The following AMD1 variants were observed in gnomAD, a reference collection of about 807,000 sequenced individuals.
AMD1 encodes the protein adenosylmethionine decarboxylase 1.
In AMD1, 11 loss-of-function variants were observed where a neutral mutation model predicts 40.2. The ratio of observed to expected loss-of-function variants is 0.27; its 90% CI spans 0.17 to 0.45. AMD1 has a LOEUF of 0.45. AMD1 is among the 20% of genes least tolerant of loss of function. The probability of loss-of-function intolerance (pLI) is 1.00; values close to 1 mark genes in which losing one functional copy is unlikely to be tolerated. For synonymous variants in AMD1, 121 were observed against 130.8 expected, an observed-to-expected ratio of 0.93 and a Z score of 0.51; for missense variants, 257 against 410.2, an observed-to-expected ratio of 0.63 and a Z score of 3.23.
At chr6:110,828,021 A>C in the AMD1 span, among the ~76,000 whole-genome samples, 1 of 152,234 alleles carries the variant, frequency 6.6e-6, no homozygotes, top group Non-Finnish European at 1.5e-5. Context: ...ATAAGCTACA[A>C]AACAAAAACA....
chr6:110,818,602 G>C, the AMD1 span, among the ~76,000 whole-genome samples: 1 of 151,978 alleles, frequency 6.6e-6, no homozygotes, highest in African/African-American at 2.4e-5. Flanking sequence ...ATGCTGTGGC[G>C]CGATCTCACC....
intron 1 of AMD1, among the ~76,000 whole-genome samples, chr6:110,886,356 C>T (rs921863925): frequency 1.3e-5 from 2 of 152,084 alleles, no homozygotes; most frequent in African/African-American, 2.4e-5. Flanking sequence ...TGGTCTCAAA[C>T]TCCTGAGCTT....
At chr6:110,843,111 C>T in the AMD1 span, among the ~76,000 whole-genome samples, 301 of 151,330 alleles carry the variant, frequency 2.0e-3, no homozygotes, top group African/African-American at 6.4e-3. Context: ...CCAGCCTGGG[C>T]GACAAAGCGA....
At chr6:110,816,760 A>G in the AMD1 span, among the ~76,000 whole-genome samples, 2 of 151,668 alleles carry the variant, frequency 1.3e-5, no homozygotes, top group East Asian at 3.9e-4. Context: ...CCCAAACCCC[A>G]CTTTTGTTTT....
chr6:110,848,819 AC>A, the AMD1 span: 1 of 211,400 alleles, frequency 4.7e-6, no homozygotes, highest in African/African-American at 2.3e-5. Flanking sequence ...CTGGGCAAGA[AC>A]GTAACAAACA....
intron 1 of AMD1, chr6:110,875,521 G>T: frequency 3.7e-6 from 1 of 271,426 alleles, no homozygotes; most frequent in Non-Finnish European, 6.9e-6. Context: ...GCGGCCCGGG[G>T]TGGTTTTGCG....
At chr6:110,859,293 T>G in the AMD1 span, 1 of 332,430 alleles carries the variant, frequency 3.0e-6, no homozygotes, top group African/African-American at 2.1e-5. Flanking sequence ...AGGGAGGTCT[T>G]TCTTCCCCCT....
chr6:110,826,406 C>T, the AMD1 span, among the ~76,000 whole-genome samples: 2 of 151,888 alleles, frequency 1.3e-5, no homozygotes, highest in African/African-American at 4.8e-5. Context: ...TGTCAGTTTC[C>T]TCAGGCTGCT....
chr6:110,839,627 A>T, the AMD1 span, among the ~76,000 whole-genome samples: 1 of 152,196 alleles, frequency 6.6e-6, no homozygotes, highest in African/African-American at 2.4e-5. Context: ...TCTAAAAAAT[A>T]AATAAATAAA....
chr6:110,847,691 CT>C, the AMD1 span, among the ~76,000 whole-genome samples: 1 of 150,740 alleles, frequency 6.6e-6, no homozygotes. Flanking sequence ...AGCGAATTTC[CT>C]TTGTTTTTGT....
At chr6:110,865,289 G>C in the AMD1 span, among the ~76,000 whole-genome samples, 1 of 152,114 alleles carries the variant, frequency 6.6e-6, no homozygotes, top group East Asian at 1.9e-4. Context: ...GCAAAACTGA[G>C]CAATTTTATA....
chr6:110,818,453 G>A, the AMD1 span, among the ~76,000 whole-genome samples: 1 of 152,130 alleles, frequency 6.6e-6, no homozygotes, highest in East Asian at 1.9e-4. Flanking sequence ...GCTACTTGTG[G>A]CAATAGCAAG....
At chr6:110,838,562 T>C in the AMD1 span, among the ~76,000 whole-genome samples, 2 of 151,610 alleles carry the variant, frequency 1.3e-5, no homozygotes, top group Admixed American at 6.6e-5. Flanking sequence ...TTTATTATGT[T>C]AACAACTACT....
intron 8 of AMD1, 39 bp from the exon 9 acceptor site, chr6:110,893,437 G>A (rs1786145471): frequency 6.2e-7 from 1 of 1,608,532 alleles, no homozygotes; most frequent in Non-Finnish European, 8.5e-7. Flanking sequence ...TACTTCTCTG[G>A]ATTGCAAACA....
chr6:110,835,693 A>T, the AMD1 span, among the ~76,000 whole-genome samples: 1 of 151,980 alleles, frequency 6.6e-6, no homozygotes, highest in Admixed American at 6.6e-5. Flanking sequence ...TGGTGAAATT[A>T]TGTCTCTATT....
chr6:110,893,734 A>G lies in AMD1; in HGVS notation c.*118A>G. ...TAACCACCACTGTGTAGTTGCAGAAAGCCCTAGATGTAATGATAGTGTAAT... is the reference window on the plus strand; with the variant it reads ...TAACCACCACTGTGTAGTTGCAGAAGGCCCTAGATGTAATGATAGTGTAAT... On this transcript the variant is annotated 3_prime_UTR_variant, in exon 9 of 9. Transcript: ENST00000368885. The G allele has an allele frequency of 8.7e-7, 1 of 1,144,660 alleles. No homozygotes were observed. Among genetic ancestry groups the G allele is most frequent in the South Asian group, 1.5e-5 (1 of 66,714 alleles). The allele number at this position is 1,144,660 out of a possible 1,614,324, so 70.9% of individuals were successfully genotyped here. A position where few individuals can be genotyped will look rare whatever the true frequency, so the allele number is the denominator to read the frequency against.
the AMD1 span, among the ~76,000 whole-genome samples, chr6:110,824,015 C>G: frequency 6.6e-6 from 1 of 152,130 alleles, no homozygotes; most frequent in African/African-American, 2.4e-5. Flanking sequence ...ATGGAGAATT[C>G]TCAAAGAACT....
chr6:110,852,322 A>C, the AMD1 span, among the ~76,000 whole-genome samples: 1 of 146,672 alleles, frequency 6.8e-6, no homozygotes, highest in Non-Finnish European at 1.5e-5. Flanking sequence ...CCTGGGTTCA[A>C]GCAATTCTCC....
chr6:110,844,276 T>G, the AMD1 span, among the ~76,000 whole-genome samples: 1 of 151,562 alleles, frequency 6.6e-6, no homozygotes, highest in South Asian at 2.1e-4. Flanking sequence ...TTTTTTTTTT[T>G]TTGACTGAGT....
Sources: gnomAD v4.1 joint callset for allele counts (sites outside exome capture counted in the v4.1 genomes callset) on GRCh38, gnomAD v4.1.1 for gene constraint, MANE v1.5 for transcripts, NCBI Gene and HGNC (gene_info 2026-07-23, HGNC 2026-07-21) for gene names.